AFAP1: variants seen among roughly 807,000 people sequenced by gnomAD.
The protein encoded by AFAP1 is actin filament associated protein 1.
A neutral mutation model predicts 93.9 loss-of-function variants in AFAP1; 75 were observed. The observed-to-expected ratio is 0.80, with a 90% CI of 0.66 to 0.97. The LOEUF is 0.97. Ranked by LOEUF, AFAP1 falls within the 50% of genes least tolerant of loss-of-function variation. The probability of loss-of-function intolerance (pLI) is 0.00; values close to 1 mark genes in which losing one functional copy is unlikely to be tolerated. For synonymous variants in AFAP1, 517 were observed against 430.7 expected (o/e 1.20, Z -2.48); for missense variants, 1,201 against 1,050.8 (o/e 1.14, Z -1.98).
At chr4:7,851,606 C>T (rs1202643771) in intron 4 of AFAP1, among the ~76,000 whole-genome samples, 1 of 152,178 alleles carries the variant, frequency 6.6e-6, no homozygotes, top group Non-Finnish European at 1.5e-5. Context: ...CATCCTCATT[C>T]CCCAGACTTC....
intron 6 of AFAP1, among the ~76,000 whole-genome samples, chr4:7,820,578 G>A (rs1257983922): frequency 6.6e-6 from 1 of 152,188 alleles, no homozygotes; most frequent in African/African-American, 2.4e-5. Flanking sequence ...AGGAGAGGGA[G>A]AAGAGAGCTC....
At chr4:7,837,970 T>C (rs191669893) in intron 6 of AFAP1, among the ~76,000 whole-genome samples, 18 of 152,236 alleles carry the variant, frequency 1.2e-4, no homozygotes, top group Non-Finnish European at 1.8e-4. Context: ...ACCACGATCA[T>C]ACCGCTACAT....
intron 16 of AFAP1, among the ~76,000 whole-genome samples, chr4:7,770,521 G>A (rs1715284001): frequency 6.6e-6 from 1 of 152,204 alleles, no homozygotes; most frequent in Non-Finnish European, 1.5e-5. Flanking sequence ...ACCCTGGAAG[G>A]AAAGGCAAGA....
intron 6 of AFAP1, among the ~76,000 whole-genome samples, chr4:7,823,189 G>A (rs1048027060): frequency 1.1e-4 from 17 of 152,078 alleles, no homozygotes; most frequent in African/African-American, 4.1e-4. Context: ...TCATGGGAGG[G>A]GCTGGGCCTT....
intron 3 of AFAP1, among the ~76,000 whole-genome samples, chr4:7,864,779 C>T (rs749424501): frequency 2.6e-5 from 4 of 152,096 alleles, no homozygotes; most frequent in African/African-American, 9.7e-5. Context: ...GTGCCAAAGC[C>T]GAGTTGATGA....
At chr4:7,864,166 C>CCTTCCCAACTTCCCATCACA (rs1257426017) in intron 3 of AFAP1, among the ~76,000 whole-genome samples, 1 of 151,978 alleles carries the variant, frequency 6.6e-6, no homozygotes, top group East Asian at 1.9e-4. Context: ...CATCACAACC[C>CCTTCCCAACTTCCCATCACA]ACAGGTCCTT....
chr4:7,825,880 T>C (rs554831578), intron 6 of AFAP1, among the ~76,000 whole-genome samples: 1 of 151,734 alleles, frequency 6.6e-6, no homozygotes, highest in South Asian at 2.1e-4. Flanking sequence ...AGGGCATTTT[T>C]ACTCCAGTTA....
chr4:7,811,504 T>G (rs1321038065), intron 8 of AFAP1, among the ~76,000 whole-genome samples: 1 of 151,996 alleles, frequency 6.6e-6, no homozygotes, highest in Non-Finnish European at 1.5e-5. Context: ...GAAGTGGTCC[T>G]CTTTCTGCCT....
At chr4:7,825,569 C>T (rs904379291) in intron 6 of AFAP1, among the ~76,000 whole-genome samples, 9 of 151,862 alleles carry the variant, frequency 5.9e-5, no homozygotes, top group Admixed American at 1.3e-4. Context: ...AATATCAAAA[C>T]GTAGAGGGTG....
In AFAP1 at chr4:7,939,605, C is replaced by T. The variant is rs779123652; in HGVS notation, c.-3+51G>A. The T allele has an allele frequency of 4.9e-6, 2 of 408,282 alleles. No homozygotes were observed. Among genetic ancestry groups the T allele is most frequent in the African/African-American group, 2.2e-5 (1 of 45,470 alleles). The allele number at this position is 408,282 out of a possible 1,614,324, so 25.3% of individuals were successfully genotyped here. A position where few individuals can be genotyped will look rare whatever the true frequency, so the allele number is the denominator to read the frequency against. ...CCGCTCGGAGCTTCCACGCCCGGGG[C>T]AGAGACCCCCGCCGGGTCCGGAGAC... On this transcript the variant is annotated intron_variant, in intron 1 of 17. Coordinates refer to ENST00000420658, the MANE Select transcript of AFAP1 (RefSeq NM_001134647.2). The surrounding 1 kb of genome is among the most constrained non-coding windows in gnomAD (Gnocchi z 5.6).
At chr4:7,875,179 C>T (rs913377639) in intron 1 of AFAP1, among the ~76,000 whole-genome samples, 2 of 152,212 alleles carry the variant, frequency 1.3e-5, no homozygotes, top group Non-Finnish European at 2.9e-5. Context: ...AGCTGCTCGT[C>T]TGTGGGATTC....
intron 9 of AFAP1, among the ~76,000 whole-genome samples, chr4:7,803,019 G>C (rs1719198674): frequency 6.6e-6 from 1 of 152,168 alleles, no homozygotes; most frequent in Admixed American, 6.5e-5. Context: ...ACAGCGCTGG[G>C]AACCACGTGC....
intron 6 of AFAP1, among the ~76,000 whole-genome samples, chr4:7,820,569 G>T (rs536188641): frequency 6.6e-6 from 1 of 152,290 alleles, no homozygotes; most frequent in Non-Finnish European, 1.5e-5. Flanking sequence ...CAGTCTCCAA[G>T]GAGAGGGAGA....
chr4:7,845,927 T>C (rs1048446904), intron 4 of AFAP1, among the ~76,000 whole-genome samples: 2 of 152,016 alleles, frequency 1.3e-5, no homozygotes, highest in African/African-American at 2.4e-5. Context: ...ATGCAAGCTG[T>C]CATGGAGCCG....
intron 6 of AFAP1, among the ~76,000 whole-genome samples, chr4:7,836,973 C>T (rs1712378344): frequency 6.6e-6 from 1 of 152,072 alleles, no homozygotes; most frequent in Non-Finnish European, 1.5e-5. Context: ...TAACCTGGCA[C>T]AAGGATGACA....
intron 11 of AFAP1, among the ~76,000 whole-genome samples, chr4:7,790,448 G>C (rs1717761788): frequency 6.6e-6 from 1 of 152,152 alleles, no homozygotes; most frequent in South Asian, 2.1e-4. Flanking sequence ...TAAAAGCCAA[G>C]CTGTATTCTA....
intron 14 of AFAP1, chr4:7,778,157 G>C (rs1716344851): frequency 6.5e-6 from 1 of 153,714 alleles, no homozygotes; most frequent in Non-Finnish European, 1.4e-5. Context: ...CTCTCTTGGT[G>C]ATTCTTTTCT....
intron 6 of AFAP1, among the ~76,000 whole-genome samples, chr4:7,832,093 T>A (rs1055597963): frequency 6.6e-6 from 1 of 152,068 alleles, no homozygotes; most frequent in Non-Finnish European, 1.5e-5. Context: ...GCTTTGAGGT[T>A]AAGAAGCAAT....
Position 7,863,406 on chromosome 4 carries a change from G to A in AFAP1, c.225+5216C>T, listed in dbSNP as rs571478165. ...TGCACTCCAGCCTGGGCGACAAAGC[G>A]AGACTGCCAAGAAAGAACGAAAGAA... is the stretch of plus-strand genomic sequence containing the variant. On this transcript the variant is annotated intron_variant, in intron 3 of 17. Transcript: ENST00000420658. Among the ~76,000 whole-genome samples, 7 of 152,236 alleles carry A rather than the reference G, an allele frequency of 4.6e-5. No individual in the cohort carries two copies. The South Asian group carries it at 6.2e-4, about 14-fold the overall frequency.
Sources: allele counts gnomAD v4.1 joint callset (sites outside exome capture counted in the v4.1 genomes callset), GRCh38; gene constraint gnomAD v4.1.1; non-coding constraint Gnocchi (gnomAD v3.1); transcripts MANE v1.5; gene names NCBI Gene and HGNC (gene_info 2026-07-23, HGNC 2026-07-21).